KCNQ5: variants seen among roughly 807,000 people sequenced by gnomAD.
KCNQ5 encodes the protein potassium voltage-gated channel subfamily KQT member 5.
In KCNQ5, 30 loss-of-function variants were observed where a neutral mutation model predicts 98.2. That is an observed-to-expected ratio of 0.31 (90% CI 0.23 to 0.41). The LOEUF (loss-of-function observed/expected upper bound fraction) is 0.41. KCNQ5 is among the 10% of genes least tolerant of loss of function. KCNQ5 has a pLI of 1.00. For synonymous variants in KCNQ5, 458 were observed against 449.4 expected (o/e 1.02, Z -0.24); for missense variants, 835 against 1,182.5 (o/e 0.71, Z 4.31).
At chr6:72,866,604 A>C (rs1777998369) in intron 1 of KCNQ5, among the ~76,000 whole-genome samples, 1 of 152,114 alleles carries the variant, frequency 6.6e-6, no homozygotes, top group East Asian at 1.9e-4. Context: ...GGCTTATCCA[A>C]ACAAGCTAAA....
At chr6:72,638,826 G>T (rs944834673) in intron 1 of KCNQ5, among the ~76,000 whole-genome samples, 2 of 152,186 alleles carry the variant, frequency 1.3e-5, no homozygotes, top group African/African-American at 2.4e-5. Context: ...TAGTGGAGCG[G>T]CAGTGCAGCA....
chr6:72,736,190 A>G (rs1184854300), intron 1 of KCNQ5, among the ~76,000 whole-genome samples: 1 of 152,166 alleles, frequency 6.6e-6, no homozygotes, highest in Non-Finnish European at 1.5e-5. Flanking sequence ...GCTCTAAAAT[A>G]TCTCATCCCT....
intron 1 of KCNQ5, among the ~76,000 whole-genome samples, chr6:72,777,292 G>A (rs1322309118): frequency 6.6e-6 from 1 of 152,222 alleles, no homozygotes; most frequent in Admixed American, 6.5e-5. Flanking sequence ...GGTTACTATA[G>A]CACTCAAAGG....
chr6:73,025,126 T>C (rs952470908), intron 2 of KCNQ5, among the ~76,000 whole-genome samples: 3 of 152,216 alleles, frequency 2.0e-5, no homozygotes, highest in Non-Finnish European at 4.4e-5. Context: ...AGCTTTGGCT[T>C]ACATGCCAGA....
intron 1 of KCNQ5, among the ~76,000 whole-genome samples, chr6:72,874,892 G>C (rs1778351387): frequency 6.6e-6 from 1 of 151,986 alleles, no homozygotes; most frequent in Non-Finnish European, 1.5e-5. Context: ...CATATAGCAG[G>C]GTTTATATTG....
At chr6:72,818,100 CCTTAA>C (rs1314939336) in intron 1 of KCNQ5, among the ~76,000 whole-genome samples, 3 of 152,100 alleles carry the variant, frequency 2.0e-5, no homozygotes, top group South Asian at 2.1e-4. Context: ...TTTGAATGAA[CCTTAA>C]CTTAAAAGTA....
intron 11 of KCNQ5, among the ~76,000 whole-genome samples, chr6:73,179,867 CTGTCTGCCTACT>C (rs1346443980): frequency 6.6e-6 from 1 of 152,228 alleles, no homozygotes; most frequent in Non-Finnish European, 1.5e-5. Flanking sequence ...TGAATTTTAA[CTGTCTGCCTACT>C]TGTCTGTCTG....
intron 2 of KCNQ5, among the ~76,000 whole-genome samples, chr6:73,009,183 G>A (rs1769949532): frequency 6.6e-6 from 1 of 151,936 alleles, no homozygotes; most frequent in African/African-American, 2.4e-5. Context: ...GTAGAGGCAG[G>A]GTTTCACCAT....
chr6:72,747,154 G>A (rs962554340), intron 1 of KCNQ5, among the ~76,000 whole-genome samples: 10 of 151,826 alleles, frequency 6.6e-5, no homozygotes, highest in African/African-American at 9.7e-5. Flanking sequence ...ATTAATGTAA[G>A]CCACAAACCT....
rs117368254 is a variant in KCNQ5 at position 73,139,327 on chromosome 6, G to A, written c.1468+5686G>A. 1.9e-3 allele frequency among the ~76,000 whole-genome samples: 295 copies of A among 152,270 alleles called. 7 individuals carry two copies. The East Asian group carries it at 0.052, about 27-fold the overall frequency. On this transcript the variant is annotated intron_variant, in intron 10 of 13. Transcript: ENST00000370398. ...AGTCAGGACCCAGCAGCTGGATCTC[G>A]GCCAGACTCCCCTAAAGCACATGAT...
intron 7 of KCNQ5, among the ~76,000 whole-genome samples, chr6:73,115,840 A>T (rs1199932294): frequency 1.3e-5 from 2 of 152,194 alleles, no homozygotes; most frequent in Non-Finnish European, 2.9e-5. Flanking sequence ...AAAACAAGAG[A>T]TTCCGCACAG....
intron 1 of KCNQ5, among the ~76,000 whole-genome samples, chr6:72,810,631 T>C (rs966135097): frequency 1.3e-5 from 2 of 152,246 alleles, no homozygotes; most frequent in African/African-American, 4.8e-5. Flanking sequence ...TTCCAGCTAC[T>C]ATAATGTTAA....
At chr6:73,061,038 C>T (rs1326356253) in intron 3 of KCNQ5, among the ~76,000 whole-genome samples, 1 of 152,118 alleles carries the variant, frequency 6.6e-6, no homozygotes, top group Non-Finnish European at 1.5e-5. Flanking sequence ...TTCACTATAG[C>T]TGAATAAACT....
At chr6:72,662,215 T>C in intron 1 of KCNQ5, among the ~76,000 whole-genome samples, 1 of 152,194 alleles carries the variant, frequency 6.6e-6, no homozygotes. Context: ...TAAATTCTAT[T>C]GCCATGTAAG....
chr6:73,093,426 T>A (rs1372197216), intron 5 of KCNQ5, among the ~76,000 whole-genome samples: 1 of 152,206 alleles, frequency 6.6e-6, no homozygotes, highest in African/African-American at 2.4e-5. Context: ...CTGATCGTGG[T>A]TATTTCCTTT....
At chr6:73,035,909 A>G (rs935479768) in intron 2 of KCNQ5, among the ~76,000 whole-genome samples, 5 of 152,024 alleles carry the variant, frequency 3.3e-5, no homozygotes, top group Admixed American at 3.3e-4. Context: ...CTATAGTATA[A>G]TATCACAACC....
At chr6:72,712,902 T>C (rs1308216144) in intron 1 of KCNQ5, among the ~76,000 whole-genome samples, 1 of 152,194 alleles carries the variant, frequency 6.6e-6, no homozygotes, top group Admixed American at 6.5e-5. Flanking sequence ...TAAAAATAGA[T>C]GTTTATTAGT....
At position 72,785,947 on chromosome 6, in the gene KCNQ5, A is replaced by G. The variant is rs376437601; in HGVS notation, c.398+163360A>G. 1.2e-4 allele frequency among the ~76,000 whole-genome samples: 18 copies of G among 152,160 alleles called. No individual in the cohort carries two copies. In the East Asian group the frequency reaches 3.1e-3, roughly 26 times the overall value. ...GGACAGTTCAACCTCTGCTGTCTAG[A>G]GTAGCACTACCCAAGAGACATATAA... On this transcript the variant is annotated intron_variant, in intron 1 of 13. Coordinates refer to ENST00000370398, the MANE Select transcript of KCNQ5 (RefSeq NM_019842.4).
intron 1 of KCNQ5, among the ~76,000 whole-genome samples, chr6:72,792,962 A>G (rs1774137821): frequency 6.6e-6 from 1 of 152,220 alleles, no homozygotes; most frequent in African/African-American, 2.4e-5. Context: ...CTCCATGGGA[A>G]TAGAATGTAA....
Sources: allele counts gnomAD v4.1 joint callset (sites outside exome capture counted in the v4.1 genomes callset), GRCh38; gene constraint gnomAD v4.1.1; transcripts MANE v1.5; gene names NCBI Gene and HGNC (gene_info 2026-07-23, HGNC 2026-07-21).